The following MCF2L variants were observed in gnomAD, a reference collection of about 807,000 sequenced individuals.
MCF2L encodes the protein MCF.2 cell line derived transforming sequence like.
A neutral mutation model predicts 153.4 loss-of-function variants in MCF2L; 97 were observed. The observed-to-expected ratio is 0.63, with a 90% CI of 0.54 to 0.75. The LOEUF (loss-of-function observed/expected upper bound fraction) is 0.75. Among genes scored for constraint, MCF2L ranks in the 30% least tolerant of loss-of-function variants. MCF2L has a pLI of 0.00. For missense variants in MCF2L, 1,347 were observed against 1,495.2 expected, an observed-to-expected ratio of 0.90 and a Z score of 1.64; for synonymous variants, 659 against 632.2, an observed-to-expected ratio of 1.04 and a Z score of -0.64.
chr13:112,985,204 G>A (rs1160271796), intron 1 of MCF2L: 2 of 351,484 alleles, frequency 5.7e-6, no homozygotes, highest in Admixed American at 3.5e-5. Flanking sequence ...TCGGCCTCCA[G>A]GAGGGTAATT....
Position 113,033,508 on chromosome 13 carries a change from C to T in MCF2L, c.278+8750C>T, listed in dbSNP as rs373190243. On this transcript the variant is annotated intron_variant, in intron 3 of 29. Transcript: ENST00000535094. ...GTGCTCACTTGGGCCTGTTCGCGGG[C>T]ATTTCGTGGTCCCCACTGTTTCCCT... Among the ~76,000 whole-genome samples the T allele has an allele frequency of 7.9e-5, 12 of 152,002 alleles. No individual in the cohort carries two copies. The East Asian group carries it at 2.1e-3, about 27-fold the overall frequency.
intron 3 of MCF2L, among the ~76,000 whole-genome samples, chr13:113,036,076 G>T (rs2086135435): frequency 6.6e-6 from 1 of 152,152 alleles, no homozygotes; most frequent in South Asian, 2.1e-4. Context: ...TCACATTAGT[G>T]GATTTTGTTA....
intron 1 of MCF2L, among the ~76,000 whole-genome samples, chr13:113,013,894 T>TTGCTGGCCCCATGCTCCCGGCTGG (rs1398567707): frequency 1.6e-4 from 25 of 152,170 alleles, no homozygotes; most frequent in Non-Finnish European, 3.1e-4. Context: ...CTGGAGGGTC[T>TTGCTGGCCCCATGCTCCCGGCTGG]TGCTGGCCCC....
intron 16 of MCF2L, 122 bp downstream of exon 16, chr13:113,081,401 G>T: frequency 1.1e-6 from 1 of 950,926 alleles, no homozygotes; most frequent in Non-Finnish European, 1.5e-6. Flanking sequence ...GTGAGAGAGC[G>T]CCCACAGCAG....
chr13:113,049,442 G>T (rs2087061382), intron 4 of MCF2L, among the ~76,000 whole-genome samples: 1 of 152,206 alleles, frequency 6.6e-6, no homozygotes, highest in Admixed American at 6.5e-5. Context: ...TGGGCATCTT[G>T]ATTCAGTTTT....
intron 20 of MCF2L, 149 bp downstream of exon 20, chr13:113,085,327 G>A (rs1389828188): frequency 3.0e-6 from 2 of 670,804 alleles, no homozygotes; most frequent in Non-Finnish European, 5.2e-6. Context: ...GATGCCTTTC[G>A]AGGTCCTACT....
chr13:112,968,991 C>G, upstream of MCF2L, among the ~76,000 whole-genome samples: 1 of 151,610 alleles, frequency 6.6e-6, no homozygotes, highest in African/African-American at 2.4e-5. Context: ...GTGACCGCGG[C>G]GGTGACCCGC....
intron 3 of MCF2L, among the ~76,000 whole-genome samples, chr13:113,030,836 G>A (rs1358773362): frequency 2.0e-5 from 3 of 152,184 alleles, no homozygotes; most frequent in Non-Finnish European, 4.4e-5. Context: ...CACATGGCCG[G>A]GGAGGAGATG....
intron 2 of MCF2L, among the ~76,000 whole-genome samples, chr13:112,948,595 C>T (rs2081660374): frequency 6.6e-6 from 1 of 152,150 alleles, no homozygotes; most frequent in South Asian, 2.1e-4. Context: ...ACATCTAAAG[C>T]AGTACTGAGA....
chr13:113,074,883 T>C lies in MCF2L; in HGVS notation c.1117-115T>C, dbSNP rs965776109. The C allele has an allele frequency of 6.0e-6, 6 of 992,064 alleles. No homozygotes were observed. Among genetic ancestry groups the C allele is most frequent in the Non-Finnish European group, 9.0e-6 (6 of 669,432 alleles). 61.5% of individuals were successfully genotyped at this position (992,064 alleles called of 1,614,324 possible). ...GCAGCATCTCAGGCATCCGCAGCAGTAAACAAAGAAATCAAGACACACGTG... is the reference window on the plus strand; with the variant it reads ...GCAGCATCTCAGGCATCCGCAGCAGCAAACAAAGAAATCAAGACACACGTG... On this transcript the variant is annotated intron_variant, in intron 10 of 29. Coordinates refer to ENST00000535094, the MANE Select transcript of MCF2L (RefSeq NM_001112732.3). This position sits in a 1 kb window ranked among gnomAD's most constrained non-coding sequence, Gnocchi z 4.2.
Position 113,038,782 on chromosome 13 carries a change from G to A in MCF2L, c.279-6489G>A, listed in dbSNP as rs193044320. ...AGTGACAGTGATTAACACAGATGGTGTAAACAGAAGAGCAGCAGCACAGAA... is the reference window on the plus strand; with the variant it reads ...AGTGACAGTGATTAACACAGATGGTATAAACAGAAGAGCAGCAGCACAGAA... On this transcript the variant is annotated intron_variant, in intron 3 of 29. Coordinates refer to ENST00000535094, the MANE Select transcript of MCF2L (RefSeq NM_001112732.3). 3.9e-3 allele frequency among the ~76,000 whole-genome samples: 599 copies of A among 152,322 alleles called. 4 individuals are homozygous for A. The highest frequency in any genetic ancestry group is 0.014 in the African/African-American group (567 of 41,568).
chr13:113,023,380 G>A (rs994937126), intron 2 of MCF2L, among the ~76,000 whole-genome samples: 3 of 152,228 alleles, frequency 2.0e-5, no homozygotes, highest in African/African-American at 7.2e-5. Context: ...AGCCTCGGGG[G>A]CCCAGCGTCC....
At chr13:112,970,840 G>A (rs2082015885) in intron 1 of MCF2L, among the ~76,000 whole-genome samples, 1 of 152,164 alleles carries the variant, frequency 6.6e-6, no homozygotes, top group South Asian at 2.1e-4. Flanking sequence ...TCTGCTCACT[G>A]AATGTCGTGC....
intron 26 of MCF2L, chr13:113,090,035 C>T: frequency 6.3e-7 from 1 of 1,592,826 alleles, no homozygotes; most frequent in South Asian, 1.1e-5. Flanking sequence ...GGTTGCGATG[C>T]CCTCTGCATA....
chr13:113,075,744 CTGTG>C, intron 11 of MCF2L, among the ~76,000 whole-genome samples: 1 of 90,412 alleles, frequency 1.1e-5, no homozygotes, highest in Non-Finnish European at 2.6e-5. Context: ...TTGTCCAGCA[CTGTG>C]TCCCCTTGGG....
At chr13:112,992,262 C>T (rs769651741) in intron 1 of MCF2L, among the ~76,000 whole-genome samples, 47 of 152,196 alleles carry the variant, frequency 3.1e-4, no homozygotes, top group Non-Finnish European at 5.9e-4. Flanking sequence ...ATCCAAAATC[C>T]GAAACATTTC....
intron 1 of MCF2L, among the ~76,000 whole-genome samples, chr13:113,006,068 C>A (rs1372857603): frequency 6.6e-6 from 1 of 152,188 alleles, no homozygotes; most frequent in Non-Finnish European, 1.5e-5. Context: ...GAGGCCGTGC[C>A]CTGCCATGTC....
intron 2 of MCF2L, among the ~76,000 whole-genome samples, chr13:112,926,798 A>G (rs1344673874): frequency 6.8e-6 from 1 of 147,420 alleles, no homozygotes; most frequent in Non-Finnish European, 1.5e-5. Flanking sequence ...CGCCTGGGGC[A>G]GGGGGCGGGG....
At position 112,993,888 on chromosome 13, in the gene MCF2L, G is replaced by A. The variant is rs113509213; in HGVS notation, c.80-20875G>A. Among the ~76,000 whole-genome samples the A allele has an allele frequency of 7.9e-5, 12 of 151,902 alleles. No homozygotes were observed. The East Asian group carries it at 9.7e-4, about 12-fold the overall frequency. ...GTAGGATTTTCCCCTCCCTTAGATC[G>A]GAAGGCGAAGAAGGTGAGATCCACA... On this transcript the variant is annotated intron_variant, in intron 1 of 29. Transcript: ENST00000535094. This position sits in a 1 kb window ranked among gnomAD's most constrained non-coding sequence, Gnocchi z 4.6.
Sources: gnomAD v4.1 joint callset for allele counts (sites outside exome capture counted in the v4.1 genomes callset) on GRCh38, gnomAD v4.1.1 for gene constraint, Gnocchi (gnomAD v3.1) non-coding constraint, MANE v1.5 for transcripts, NCBI Gene and HGNC (gene_info 2026-07-23, HGNC 2026-07-21) for gene names.